The following BICC1 variants were observed in gnomAD, a reference collection of about 807,000 sequenced individuals.
The protein encoded by BICC1 is protein bicaudal C homolog 1.
Under a neutral mutation model 111.0 loss-of-function variants are expected in BICC1, and 43 were observed. That is an observed-to-expected ratio of 0.39 (90% CI 0.30 to 0.50). The LOEUF is 0.50. Among genes scored for constraint, BICC1 ranks in the 20% least tolerant of loss-of-function variants. BICC1 has a pLI of 0.88. For synonymous variants in BICC1, 467 were observed against 434.4 expected (o/e 1.07, Z -0.93); for missense variants, 1,091 against 1,203.2 (o/e 0.91, Z 1.38).
intron 1 of BICC1, among the ~76,000 whole-genome samples, chr10:58,592,404 T>G (rs923622460): frequency 6.6e-6 from 1 of 152,072 alleles, no homozygotes; most frequent in African/African-American, 2.4e-5. Flanking sequence ...TATAAACCCT[T>G]CAAATAATTT....
chr10:58,559,602 T>C (rs1171698098), intron 1 of BICC1, among the ~76,000 whole-genome samples: 1 of 152,176 alleles, frequency 6.6e-6, no homozygotes, highest in Non-Finnish European at 1.5e-5. Context: ...TTAATTGTTC[T>C]GGCTAAGCCT....
At chr10:58,645,460 C>T (rs989185542) in intron 2 of BICC1, among the ~76,000 whole-genome samples, 13 of 144,740 alleles carry the variant, frequency 9.0e-5, no homozygotes, top group African/African-American at 3.3e-4. Flanking sequence ...GCAATTAGAA[C>T]CAGATTGGCA....
chr10:58,516,977 G>T (rs118071411), intron 1 of BICC1, among the ~76,000 whole-genome samples: 1 of 152,044 alleles, frequency 6.6e-6, no homozygotes, highest in Non-Finnish European at 1.5e-5. Flanking sequence ...GCAATCACAG[G>T]ATTCCTATAT....
chr10:58,574,659 T>C (rs2131990835), intron 1 of BICC1, among the ~76,000 whole-genome samples: 1 of 152,310 alleles, frequency 6.6e-6, no homozygotes, highest in East Asian at 1.9e-4. Context: ...GGTTTATAGC[T>C]ATTGATGTTG....
chr10:58,709,313 G>A (rs1206362887), intron 3 of BICC1, among the ~76,000 whole-genome samples: 1 of 152,172 alleles, frequency 6.6e-6, no homozygotes, highest in Non-Finnish European at 1.5e-5. Context: ...AGAACATGCA[G>A]TATTTATCTT....
chr10:58,628,826 G>A (rs537051236), intron 2 of BICC1, among the ~76,000 whole-genome samples: 5 of 152,182 alleles, frequency 3.3e-5, no homozygotes, highest in African/African-American at 4.8e-5. Flanking sequence ...AAGAGAAAAG[G>A]TTGGCTCCAA....
At chr10:58,588,540 A>G (rs1384801156) in intron 1 of BICC1, among the ~76,000 whole-genome samples, 1 of 152,098 alleles carries the variant, frequency 6.6e-6, no homozygotes, top group African/African-American at 2.4e-5. Context: ...TCTCTACTGC[A>G]TGCCAGTGAT....
intron 2 of BICC1, among the ~76,000 whole-genome samples, chr10:58,680,330 CA>C (rs1484866451): frequency 6.6e-6 from 1 of 152,210 alleles, no homozygotes; most frequent in Non-Finnish European, 1.5e-5. Flanking sequence ...TAAGCAGCTT[CA>C]GCAAGGTCTC....
intron 1 of BICC1, among the ~76,000 whole-genome samples, chr10:58,600,403 C>T (rs1030135451): frequency 3.9e-5 from 6 of 152,024 alleles, no homozygotes; most frequent in African/African-American, 1.4e-4. Context: ...GTCTCTAAGA[C>T]AGAGCTATGG....
intron 1 of BICC1, among the ~76,000 whole-genome samples, chr10:58,596,210 T>C (rs1055956309): frequency 1.1e-4 from 17 of 151,490 alleles, no homozygotes; most frequent in African/African-American, 4.1e-4. Context: ...CTCAACTTGT[T>C]TGAGGGATCA....
intron 3 of BICC1, among the ~76,000 whole-genome samples, chr10:58,738,725 G>C (rs1841557120): frequency 6.7e-6 from 1 of 149,642 alleles, no homozygotes; most frequent in South Asian, 2.2e-4. Flanking sequence ...CATGAGCATG[G>C]AATGTTCTTC....
chr10:58,726,281 T>G (rs1442075617), intron 3 of BICC1, among the ~76,000 whole-genome samples: 1 of 152,228 alleles, frequency 6.6e-6, no homozygotes, highest in Non-Finnish European at 1.5e-5. Context: ...GAAAATTACA[T>G]AATTTATTGA....
intron 2 of BICC1, among the ~76,000 whole-genome samples, chr10:58,629,840 A>G (rs1179075258): frequency 6.6e-6 from 1 of 152,128 alleles, no homozygotes; most frequent in East Asian, 1.9e-4. Context: ...ATGTTGCGTT[A>G]AAATTTGTTT....
At chr10:58,567,139 C>T (rs1183687795) in intron 1 of BICC1, among the ~76,000 whole-genome samples, 1 of 152,052 alleles carries the variant, frequency 6.6e-6, no homozygotes, top group East Asian at 1.9e-4. Context: ...GTCTCTTGTG[C>T]CTTAGGAAAG....
intron 3 of BICC1, among the ~76,000 whole-genome samples, chr10:58,762,218 A>T (rs1434356129): frequency 6.6e-6 from 1 of 152,158 alleles, no homozygotes; most frequent in African/African-American, 2.4e-5. Flanking sequence ...TGAAAGCTGG[A>T]GAATGTACAA....
At chr10:58,746,849 G>A (rs1248139693) in intron 3 of BICC1, among the ~76,000 whole-genome samples, 1 of 152,150 alleles carries the variant, frequency 6.6e-6, no homozygotes, top group African/African-American at 2.4e-5. Flanking sequence ...AAAGTCAGCT[G>A]ATATGTCAAC....
intron 2 of BICC1, among the ~76,000 whole-genome samples, chr10:58,676,204 G>A (rs1422475667): frequency 6.6e-6 from 1 of 152,130 alleles, no homozygotes; most frequent in Non-Finnish European, 1.5e-5. Flanking sequence ...TGGCTGTTTG[G>A]GCAGACACCG....
intron 3 of BICC1, among the ~76,000 whole-genome samples, chr10:58,751,526 A>C (rs145178145): frequency 6.4e-4 from 97 of 152,292 alleles, no homozygotes; most frequent in African/African-American, 2.2e-3. Context: ...CCCAGTGGGA[A>C]CTATTTCATT....
At chr10:58,561,933 G>C (rs1209418194) in intron 1 of BICC1, among the ~76,000 whole-genome samples, 1 of 152,008 alleles carries the variant, frequency 6.6e-6, no homozygotes, top group Non-Finnish European at 1.5e-5. Context: ...TCAGCATTTT[G>C]AATATATAAT....
Sources: gnomAD v4.1 joint callset for allele counts (sites outside exome capture counted in the v4.1 genomes callset) on GRCh38, gnomAD v4.1.1 for gene constraint, MANE v1.5 for transcripts, NCBI Gene and HGNC (gene_info 2026-07-23, HGNC 2026-07-21) for gene names.